ORC3: variants seen among roughly 807,000 people sequenced by gnomAD.
ORC3 encodes origin recognition complex subunit 3.
Under a neutral mutation model 100.7 loss-of-function variants are expected in ORC3, and 78 were observed. That is an observed-to-expected ratio of 0.77 (90% CI 0.65 to 0.94). The LOEUF is 0.94. Among genes scored for constraint, ORC3 ranks in the 40% least tolerant of loss-of-function variants. The probability of loss-of-function intolerance (pLI) is 0.00; values close to 1 mark genes in which losing one functional copy is unlikely to be tolerated. For synonymous variants in ORC3, 295 were observed against 289.3 expected (o/e 1.02, Z -0.20); for missense variants, 789 against 823.9 (o/e 0.96, Z 0.52).
chr6:87,599,345 CTTT>C (rs111578013), intron 2 of ORC3, among the ~76,000 whole-genome samples: 1 of 139,716 alleles, frequency 7.2e-6, no homozygotes, highest in Non-Finnish European at 1.5e-5. Context: ...TGCTTTGTCT[CTTT>C]TTTTTATTAT....
chr6:87,629,682 A>G (rs561844396), intron 11 of ORC3, among the ~76,000 whole-genome samples: 2 of 152,120 alleles, frequency 1.3e-5, no homozygotes, highest in East Asian at 3.9e-4. Flanking sequence ...CTAATAAATA[A>G]TTTCTCTGCC....
At chr6:87,633,300 A>G (rs2128276864) in intron 11 of ORC3, among the ~76,000 whole-genome samples, 1 of 152,354 alleles carries the variant, frequency 6.6e-6, no homozygotes, top group Admixed American at 6.5e-5. Flanking sequence ...GCTCACAGTA[A>G]AAAACTAAAG....
chr6:87,597,279 C>T (rs139583450), intron 2 of ORC3, among the ~76,000 whole-genome samples: 3 of 152,182 alleles, frequency 2.0e-5, no homozygotes, highest in African/African-American at 7.2e-5. Context: ...GTTTTGACTG[C>T]GACCTGTCAC....
chr6:87,602,251 A>C (rs1031181943), intron 3 of ORC3, among the ~76,000 whole-genome samples: 3 of 152,182 alleles, frequency 2.0e-5, no homozygotes, highest in Admixed American at 6.5e-5. Context: ...AACAAAAAAA[A>C]CTCATATTTC....
Position 87,605,948 on chromosome 6 carries a change from C to T in ORC3, c.354C>T (p.Phe118=), listed in dbSNP as rs774881201. ...GVNVTDHDLT[F]GSLTEALQNN... ...ATGTCACAGATCATGATTTGACATT[C>T]GGAAGTCTAACAGAGGCCCTTCAGA... is the stretch of plus-strand genomic sequence containing the variant. Residue 118 remains phenylalanine (F), a synonymous_variant, in exon 5 of 20, where the codon TTC becomes TTT. Transcript: ENST00000392844. The T allele has an allele frequency of 5.6e-6, 9 of 1,605,346 alleles. No homozygotes were observed. The highest frequency in any genetic ancestry group is 5.5e-5 in the South Asian group (5 of 90,730).
intron 16 of ORC3, among the ~76,000 whole-genome samples, chr6:87,662,562 A>G (rs1253824889): frequency 2.0e-5 from 3 of 152,216 alleles, no homozygotes; most frequent in African/African-American, 7.2e-5. Context: ...CCTGTGTTTA[A>G]TATTGCCAAA....
At chr6:87,618,137 G>A (rs954708286) in intron 9 of ORC3, among the ~76,000 whole-genome samples, 5 of 152,184 alleles carry the variant, frequency 3.3e-5, no homozygotes, top group African/African-American at 4.8e-5. Flanking sequence ...TGGGCTGGGC[G>A]CGGTGGCTCA....
At chr6:87,606,104 A>T in intron 5 of ORC3, 83 bp downstream of exon 5, 3 of 825,592 alleles carry the variant, frequency 3.6e-6, no homozygotes, top group Middle Eastern at 3.3e-4. Context: ...GGCTTTCTTT[A>T]TCCCTTTTTT....
At chr6:87,597,710 C>T (rs13213623) in intron 2 of ORC3, among the ~76,000 whole-genome samples, 24 of 140,686 alleles carry the variant, frequency 1.7e-4, no homozygotes, top group East Asian at 1.5e-3. Flanking sequence ...CACACACACA[C>T]ATATATATAT....
chr6:87,674,217 G>A, the ORC3 span, among the ~76,000 whole-genome samples: 18 of 145,514 alleles, frequency 1.2e-4, no homozygotes, highest in Admixed American at 6.5e-4. Flanking sequence ...CAGGAGAATC[G>A]CTTGAACCTG....
intron 11 of ORC3, among the ~76,000 whole-genome samples, chr6:87,629,118 A>G (rs1327530392): frequency 6.6e-6 from 1 of 152,226 alleles, no homozygotes; most frequent in East Asian, 1.9e-4. Context: ...GATAGCAGTA[A>G]TATGCTAAGT....
At position 87,607,651 on chromosome 6, in the gene ORC3, TCTTA is replaced by T. The variant is rs1778439423; in HGVS notation, c.428-18_428-15del. 5 of 1,561,616 alleles carry T rather than the reference TCTTA, an allele frequency of 3.2e-6. No homozygotes were observed. In the African/African-American group the frequency reaches 4.1e-5, roughly 13 times the overall value. On this transcript the variant is annotated intron_variant, in intron 5 of 19. Transcript: ENST00000392844. ...TTTTAGAAGAGGCAGAGATAAGCTT[TCTTA>T]CTTTTTATATTCCACAGATATGAAA...
chr6:87,611,934 G>T (rs983955011), intron 7 of ORC3, among the ~76,000 whole-genome samples, 155 bp from the exon 8 acceptor site: 45 of 152,208 alleles, frequency 3.0e-4, no homozygotes, highest in African/African-American at 1.0e-3. Context: ...AGAAGAAAGT[G>T]AAAGACTTAG....
intron 8 of ORC3, among the ~76,000 whole-genome samples, chr6:87,614,383 G>T (rs1779004945): frequency 6.6e-6 from 1 of 152,166 alleles, no homozygotes; most frequent in Non-Finnish European, 1.5e-5. Flanking sequence ...TGATGGGAGG[G>T]GCTGCCATGA....
chr6:87,668,590 T>C (rs1770765256), downstream of ORC3, among the ~76,000 whole-genome samples: 1 of 152,136 alleles, frequency 6.6e-6, no homozygotes, highest in Admixed American at 6.5e-5. Context: ...GAGCTTAGAA[T>C]AAAGAACACC....
downstream of ORC3, among the ~76,000 whole-genome samples, chr6:87,671,023 A>G (rs1770820407): frequency 6.6e-6 from 1 of 152,214 alleles, no homozygotes; most frequent in Non-Finnish European, 1.5e-5. Context: ...GCCAATGTGG[A>G]CAAGGTAGAG....
intron 14 of ORC3, 52 bp from the exon 15 acceptor site, chr6:87,656,854 C>A: frequency 2.4e-6 from 3 of 1,257,882 alleles, no homozygotes; most frequent in South Asian, 1.3e-5. Flanking sequence ...TGTTTGTTCC[C>A]TTGACTTGGA....
intron 2 of ORC3, among the ~76,000 whole-genome samples, chr6:87,594,997 T>C (rs367556863): frequency 6.6e-6 from 1 of 152,218 alleles, no homozygotes; most frequent in Admixed American, 6.5e-5. Flanking sequence ...TTCCATTTTA[T>C]GAATAAACTT....
intron 15 of ORC3, 62 bp downstream of exon 15, chr6:87,657,044 T>C (rs1486233097): frequency 1.9e-5 from 21 of 1,109,158 alleles, no homozygotes; most frequent in Non-Finnish European, 2.8e-5. Flanking sequence ...CAGTTTGTGC[T>C]CTAGATTAAC....
Sources: gnomAD v4.1 joint callset for allele counts (sites outside exome capture counted in the v4.1 genomes callset) on GRCh38, gnomAD v4.1.1 for gene constraint, MANE v1.5 for transcripts, NCBI Gene and HGNC (gene_info 2026-07-23, HGNC 2026-07-21) for gene names.